HECW1: variants seen among roughly 807,000 people sequenced by gnomAD.
The protein encoded by HECW1 is E3 ubiquitin-protein ligase HECW1.
HECW1 carries 61 observed loss-of-function variants against 182.3 expected under a neutral mutation model. The observed-to-expected ratio is 0.33, with a 90% CI of 0.27 to 0.41. HECW1 has a LOEUF of 0.41. Ranked by LOEUF, HECW1 falls within the 10% of genes least tolerant of loss-of-function variation. The probability of loss-of-function intolerance (pLI) is 1.00; values close to 1 mark genes in which losing one functional copy is unlikely to be tolerated. For synonymous variants in HECW1, 859 were observed against 832.6 expected, an observed-to-expected ratio of 1.03 and a Z score of -0.55; for missense variants, 1,739 against 2,108.9, an observed-to-expected ratio of 0.82 and a Z score of 3.44.
At chr7:43,434,831 A>G (rs2076660324) in intron 8 of HECW1, among the ~76,000 whole-genome samples, 2 of 152,222 alleles carry the variant, frequency 1.3e-5, no homozygotes, top group African/African-American at 4.8e-5. Context: ...AGCTAGCTTC[A>G]GTGTCCCATG....
intron 2 of HECW1, among the ~76,000 whole-genome samples, chr7:43,138,604 A>T (rs1013986996): frequency 6.6e-6 from 1 of 152,358 alleles, no homozygotes; most frequent in Non-Finnish European, 1.5e-5. Context: ...TAGAATCATC[A>T]TCTTCTCAAA....
intron 2 of HECW1, among the ~76,000 whole-genome samples, chr7:43,236,628 G>T (rs574530598): frequency 1.3e-5 from 2 of 152,120 alleles, no homozygotes; most frequent in Non-Finnish European, 2.9e-5. Context: ...TCAGCCTTTC[G>T]CTGAATACTC....
chr7:43,160,760 G>A (rs1790443610), intron 2 of HECW1, among the ~76,000 whole-genome samples: 1 of 151,828 alleles, frequency 6.6e-6, no homozygotes, highest in African/African-American at 2.4e-5. Flanking sequence ...TAAATAAAAT[G>A]TTATTTCTCC....
At chr7:43,178,412 A>G (rs1792475350) in intron 2 of HECW1, among the ~76,000 whole-genome samples, 1 of 152,186 alleles carries the variant, frequency 6.6e-6, no homozygotes, top group Admixed American at 6.5e-5. Flanking sequence ...ATAGACAGGA[A>G]TTTAGTGTAA....
chr7:43,340,166 T>C (rs1264194993), intron 5 of HECW1, among the ~76,000 whole-genome samples: 2 of 151,474 alleles, frequency 1.3e-5, no homozygotes, highest in African/African-American at 4.8e-5. Flanking sequence ...GAAGCATTCA[T>C]GTGCTGCAAC....
chr7:43,423,023 A>C (rs2076245348), intron 8 of HECW1, among the ~76,000 whole-genome samples: 1 of 152,260 alleles, frequency 6.6e-6, no homozygotes, highest in Non-Finnish European at 1.5e-5. Flanking sequence ...GATTGGTTTA[A>C]GATAGATCAT....
chr7:43,115,625 T>TAGGC (rs1236450292), intron 2 of HECW1, among the ~76,000 whole-genome samples: 1 of 152,348 alleles, frequency 6.6e-6, no homozygotes, highest in African/African-American at 2.4e-5. Flanking sequence ...TTGGTCTAAA[T>TAGGC]AGGCAGGCAG....
chr7:43,248,673 TC>T (rs1222580443), intron 3 of HECW1: 1 of 134,266 alleles, frequency 7.4e-6, no homozygotes, highest in African/African-American at 3.1e-5. Context: ...TTACTCTCCC[TC>T]CTCCTCCTCC....
chr7:43,133,198 A>G (rs2152623016), intron 2 of HECW1, among the ~76,000 whole-genome samples: 1 of 152,006 alleles, frequency 6.6e-6, no homozygotes, highest in East Asian at 1.9e-4. Context: ...TGATGACTCA[A>G]TGTGTTTAGT....
intron 3 of HECW1, among the ~76,000 whole-genome samples, chr7:43,308,205 T>A (rs1313151499): frequency 9.9e-6 from 1 of 100,980 alleles, no homozygotes; most frequent in East Asian, 2.3e-4. Context: ...TTATATATAT[T>A]TTTATATATT....
intron 2 of HECW1, among the ~76,000 whole-genome samples, chr7:43,192,629 T>C (rs987391050): frequency 1.3e-5 from 2 of 152,202 alleles, no homozygotes; most frequent in African/African-American, 2.4e-5. Context: ...TTTTAAGACA[T>C]TGGAAAATAT....
At chr7:43,456,120 C>G (rs2077394732) in intron 12 of HECW1, among the ~76,000 whole-genome samples, 177 bp from the exon 13 acceptor site, 1 of 152,170 alleles carries the variant, frequency 6.6e-6, no homozygotes, top group Non-Finnish European at 1.5e-5. Flanking sequence ...TTTCTGAGCT[C>G]CCGAGTTCAT....
intron 3 of HECW1, among the ~76,000 whole-genome samples, chr7:43,308,496 T>C (rs567125926): frequency 1.3e-5 from 2 of 151,176 alleles, no homozygotes; most frequent in African/African-American, 4.9e-5. Flanking sequence ...GTTGTGAGTC[T>C]TTAATAAAAC....
intron 3 of HECW1, among the ~76,000 whole-genome samples, chr7:43,297,914 A>AT (rs1562798694): frequency 6.6e-6 from 1 of 152,142 alleles, no homozygotes; most frequent in Non-Finnish European, 1.5e-5. Flanking sequence ...CTAGAAAAAC[A>AT]TTTTTTTAAA....
chr7:43,343,544 G>T (rs1387137628), intron 5 of HECW1, among the ~76,000 whole-genome samples: 1 of 151,652 alleles, frequency 6.6e-6, no homozygotes, highest in Non-Finnish European at 1.5e-5. Context: ...GCAATAGTTT[G>T]CTGAGAATGA....
chr7:43,328,308 C>CAA (rs1306361023), intron 5 of HECW1, among the ~76,000 whole-genome samples: 8 of 137,862 alleles, frequency 5.8e-5, no homozygotes, highest in African/African-American at 2.1e-4. Context: ...AAATTAAAAA[C>CAA]AAAAAACAAA....
chr7:43,406,000 G>A (rs150489834), intron 7 of HECW1, among the ~76,000 whole-genome samples: 4 of 152,140 alleles, frequency 2.6e-5, no homozygotes, highest in African/African-American at 7.2e-5. Context: ...CCAGTCTTGC[G>A]CATGCCTCCT....
At chr7:43,440,783 T>C (rs2076862217) in intron 9 of HECW1, among the ~76,000 whole-genome samples, 1 of 152,224 alleles carries the variant, frequency 6.6e-6, no homozygotes, top group South Asian at 2.1e-4. Context: ...GACAAAATAC[T>C]GAAGCTCATC....
intron 7 of HECW1, among the ~76,000 whole-genome samples, chr7:43,399,088 A>G (rs771572114): frequency 1.3e-5 from 2 of 152,260 alleles, no homozygotes; most frequent in African/African-American, 2.4e-5. Context: ...GCCTCCAGCT[A>G]TATGACTCCT....
Sources: allele counts gnomAD v4.1 joint callset (sites outside exome capture counted in the v4.1 genomes callset), GRCh38; gene constraint gnomAD v4.1.1; transcripts MANE v1.5; gene names NCBI Gene and HGNC (gene_info 2026-07-23, HGNC 2026-07-21).